The following TTC28 variants were observed in gnomAD, a reference collection of about 807,000 sequenced individuals.
TTC28 encodes tetratricopeptide repeat domain 28.
A neutral mutation model predicts 198.0 loss-of-function variants in TTC28; 61 were observed. The ratio of observed to expected loss-of-function variants is 0.31; its 90% CI spans 0.25 to 0.38. TTC28 has a LOEUF of 0.38. Ranked by LOEUF, TTC28 falls within the 10% of genes least tolerant of loss-of-function variation. The probability of loss-of-function intolerance (pLI) is 1.00; values close to 1 mark genes in which losing one functional copy is unlikely to be tolerated. For missense variants in TTC28, 2,678 were observed against 3,164.0 expected (o/e 0.85, Z 3.69); for synonymous variants, 1,171 against 1,297.8 (o/e 0.90, Z 2.10).
At position 28,279,116 on chromosome 22, in the gene TTC28, A is replaced by C. The variant is rs1370470982; in HGVS notation, c.933+17082T>G. On this transcript the variant is annotated intron_variant, in intron 5 of 22. Coordinates refer to ENST00000397906, the MANE Select transcript of TTC28 (RefSeq NM_001145418.2). ...TGAAAATTTACAAAGATACAGTCAAAAGAACTGTACAGTGAATAACATAAT... is the reference window on the plus strand; with the variant it reads ...TGAAAATTTACAAAGATACAGTCAACAGAACTGTACAGTGAATAACATAAT... Among the ~76,000 whole-genome samples, 3 of 152,228 alleles carry C rather than the reference A, an allele frequency of 2.0e-5. No homozygotes were observed. The East Asian group carries it at 5.8e-4, about 29-fold the overall frequency.
chr22:28,059,784 A>C (rs1386601163), intron 12 of TTC28, among the ~76,000 whole-genome samples: 1 of 151,854 alleles, frequency 6.6e-6, no homozygotes, highest in African/African-American at 2.4e-5. Context: ...TGATTCTTTT[A>C]TCATTAAGAA....
intron 2 of TTC28, among the ~76,000 whole-genome samples, chr22:28,465,519 G>A (rs1198094170): frequency 1.3e-5 from 2 of 151,950 alleles, no homozygotes; most frequent in Non-Finnish European, 2.9e-5. Flanking sequence ...AGCTACTCAC[G>A]AGGCTGAAGC....
chr22:28,460,101 C>T (rs1250405811), intron 2 of TTC28, among the ~76,000 whole-genome samples: 1 of 152,060 alleles, frequency 6.6e-6, no homozygotes, highest in Non-Finnish European at 1.5e-5. Flanking sequence ...GTCGACAGAA[C>T]AGCTATTTGT....
At chr22:28,536,740 C>T (rs1217749445) in intron 2 of TTC28, among the ~76,000 whole-genome samples, 1 of 152,160 alleles carries the variant, frequency 6.6e-6, no homozygotes, top group Non-Finnish European at 1.5e-5. Flanking sequence ...TGATCTATGA[C>T]TTATTGTTTT....
At position 28,567,705 on chromosome 22, in the gene TTC28, AG is replaced by A. The variant is rs2050002522; in HGVS notation, c.381+61846del. On this transcript the variant is annotated intron_variant, in intron 2 of 22. Transcript: ENST00000397906. The stretch of plus-strand genomic sequence containing the variant: ...CATTCCCATTCACCCTTTCTCGGGA[AG>A]CTGCTTGAGAAAGTATACCACCAAA... Among the ~76,000 whole-genome samples the A allele has an allele frequency of 2.0e-5, 3 of 151,848 alleles. No individual in the cohort carries two copies. The South Asian group carries it at 6.2e-4, about 32-fold the overall frequency.
chr22:28,164,721 T>C (rs1921683741), intron 5 of TTC28, among the ~76,000 whole-genome samples: 1 of 152,080 alleles, frequency 6.6e-6, no homozygotes, highest in African/African-American at 2.4e-5. Context: ...CCGGAAACTC[T>C]AAAAATCAGA....
At chr22:28,398,561 T>TAC (rs1327038339) in intron 2 of TTC28, among the ~76,000 whole-genome samples, 28 of 152,194 alleles carry the variant, frequency 1.8e-4, no homozygotes, top group Non-Finnish European at 1.5e-5. Context: ...TGTAAGGCAT[T>TAC]ATTCATCTCT....
intron 12 of TTC28, among the ~76,000 whole-genome samples, chr22:28,032,146 T>C (rs1396685998): frequency 4.3e-5 from 6 of 141,070 alleles, no homozygotes; most frequent in African/African-American, 1.6e-4. Flanking sequence ...AAGCACATCC[T>C]ATTTATATCT....
chr22:28,337,630 A>G (rs1372300059), intron 2 of TTC28, among the ~76,000 whole-genome samples: 2 of 152,160 alleles, frequency 1.3e-5, no homozygotes, highest in Admixed American at 1.3e-4. Flanking sequence ...TTGTTGGTTT[A>G]AAGTCTGTTT....
rs1271297498 is a variant in TTC28, at chr22:27,983,008, G to A, written c.6659C>T (p.Ser2220Phe). ...ETSAFSRPVL[S>F]HQKSQPSPVT... ...TGGTGATGGCTGACTCTTCTGATGG[G>A]AGAGAACAGGCCTGCTGAACGCACT... The change falls in exon 23 of 23, where the codon TCC becomes TTC. Residue 2220 changes from serine (S) to phenylalanine (F), a missense_variant. Ser to Phe is a radical substitution (Grantham distance 155). Around this residue, in one of 8 missense-constraint regions of TTC28, gnomAD observed 622 missense variants for 656.0 expected, o/e 0.95. Coordinates refer to ENST00000397906, the MANE Select transcript of TTC28 (RefSeq NM_001145418.2). 8 of 1,551,708 alleles carry A rather than the reference G, an allele frequency of 5.2e-6. No homozygotes were observed. Among genetic ancestry groups the A allele is most frequent in the Non-Finnish European group, 7.0e-6 (8 of 1,146,990 alleles).
At chr22:28,331,152 G>A (rs2045610209) in intron 2 of TTC28, among the ~76,000 whole-genome samples, 1 of 152,002 alleles carries the variant, frequency 6.6e-6, no homozygotes, top group Admixed American at 6.6e-5. Flanking sequence ...AATTCTGCAA[G>A]GTAAATTATT....
chr22:28,675,303 A>G (rs1601686057), intron 1 of TTC28, among the ~76,000 whole-genome samples: 1 of 152,338 alleles, frequency 6.6e-6, no homozygotes, highest in South Asian at 2.1e-4. Context: ...AACTCTTAGA[A>G]GAAAACATAG....
intron 1 of TTC28, among the ~76,000 whole-genome samples, chr22:28,631,557 T>A (rs1046585377): frequency 6.6e-6 from 1 of 152,164 alleles, no homozygotes; most frequent in Non-Finnish European, 1.5e-5. Flanking sequence ...AGGGTCTTGC[T>A]CTGTCACCCA....
intron 12 of TTC28, among the ~76,000 whole-genome samples, chr22:28,039,308 G>A (rs1351069513): frequency 6.6e-6 from 1 of 152,020 alleles, no homozygotes; most frequent in Non-Finnish European, 1.5e-5. Flanking sequence ...AAGAAAATGT[G>A]GCACATATAC....
chr22:28,038,723 T>C (rs1939472477), intron 12 of TTC28, among the ~76,000 whole-genome samples: 1 of 151,998 alleles, frequency 6.6e-6, no homozygotes, highest in South Asian at 2.1e-4. Flanking sequence ...ACCGTCAGAG[T>C]GAACAGACAA....
intron 2 of TTC28, among the ~76,000 whole-genome samples, chr22:28,338,934 G>A (rs533212259): frequency 6.6e-6 from 1 of 152,286 alleles, no homozygotes; most frequent in Admixed American, 6.5e-5. Flanking sequence ...TGTTCCTTTG[G>A]AGGAGGAGAG....
intron 12 of TTC28, among the ~76,000 whole-genome samples, chr22:28,042,347 T>C (rs1034617067): frequency 6.6e-6 from 1 of 151,986 alleles, no homozygotes; most frequent in African/African-American, 2.4e-5. Flanking sequence ...CCAACAATGA[T>C]AGACTGGATT....
Position 28,256,557 on chromosome 22 carries a change from G to A in TTC28, c.933+39641C>T, listed in dbSNP as rs1043554022. On this transcript the variant is annotated intron_variant, in intron 5 of 22. Coordinates refer to ENST00000397906, the MANE Select transcript of TTC28 (RefSeq NM_001145418.2). ...CAAAATGTCAATGACATTATTCACA[G>A]AAATAGAAAAAAAACTCCTAAAATT... Among the ~76,000 whole-genome samples the A allele has an allele frequency of 3.9e-5, 6 of 151,924 alleles. 1 individual carries two copies. Among genetic ancestry groups the A allele is most frequent in the Non-Finnish European group, 8.8e-5 (6 of 67,970 alleles).
chr22:28,273,572 G>T (rs1246191647), intron 5 of TTC28, among the ~76,000 whole-genome samples: 1 of 151,870 alleles, frequency 6.6e-6, no homozygotes, highest in African/African-American at 2.4e-5. Flanking sequence ...CAGATAAAAA[G>T]GATAAAAAAT....
Sources: gnomAD v4.1 joint callset for allele counts (sites outside exome capture counted in the v4.1 genomes callset) on GRCh38, gnomAD v4.1.1 for gene constraint, gnomAD v4.1.1 regional missense constraint, MANE v1.5 for transcripts, NCBI Gene and HGNC (gene_info 2026-07-23, HGNC 2026-07-21) for gene names.